Variants in GREB1L observed in about 807,000 individuals in gnomAD.
GREB1L encodes GREB1 like retinoic acid receptor coactivator.
GREB1L carries 17 observed loss-of-function variants against 200.8 expected under a neutral mutation model. That is an observed-to-expected ratio of 0.08 (90% CI 0.06 to 0.13). The LOEUF (loss-of-function observed/expected upper bound fraction) is 0.13. Ranked by LOEUF, GREB1L falls within the 10% of genes least tolerant of loss-of-function variation. The probability of loss-of-function intolerance (pLI) is 1.00; values close to 1 mark genes in which losing one functional copy is unlikely to be tolerated. For synonymous variants in GREB1L, 789 were observed against 893.0 expected (o/e 0.88, Z 2.08); for missense variants, 1,657 against 2,367.7 (o/e 0.70, Z 6.23).
At chr18:21,521,254 C>T (rs1471986239) in intron 32 of GREB1L, among the ~76,000 whole-genome samples, 1 of 151,498 alleles carries the variant, frequency 6.6e-6, no homozygotes, top group African/African-American at 2.4e-5. Context: ...TCCTGTAATC[C>T]CAGCTACTCG....
chr18:21,325,497 T>A (rs535279776), intron 1 of GREB1L, among the ~76,000 whole-genome samples: 74 of 152,126 alleles, frequency 4.9e-4, no homozygotes, highest in Non-Finnish European at 8.5e-4. Context: ...AGGTATATAT[T>A]TTTTTTATGT....
chr18:21,341,988 A>G (rs1208436541), intron 1 of GREB1L, among the ~76,000 whole-genome samples: 2 of 152,170 alleles, frequency 1.3e-5, no homozygotes, highest in Non-Finnish European at 2.9e-5. Flanking sequence ...GGGAGATATG[A>G]TGAGAAATTA....
chr18:21,417,421 C>A (rs542653310), intron 7 of GREB1L, among the ~76,000 whole-genome samples: 4 of 151,736 alleles, frequency 2.6e-5, no homozygotes, highest in Non-Finnish European at 5.9e-5. Context: ...AGCGGAGGCA[C>A]GAGAATCGCT....
chr18:21,309,882 A>G (rs2038763911), intron 1 of GREB1L, among the ~76,000 whole-genome samples: 1 of 152,056 alleles, frequency 6.6e-6, no homozygotes, highest in Non-Finnish European at 1.5e-5. Flanking sequence ...ACATCCTGCA[A>G]TGCACAAAAC....
intron 1 of GREB1L, among the ~76,000 whole-genome samples, chr18:21,348,546 A>G (rs1598682065): frequency 6.6e-6 from 1 of 152,014 alleles, no homozygotes; most frequent in East Asian, 2.0e-4. Flanking sequence ...AGGCTGAGGC[A>G]GGTGGATCAC....
At chr18:21,312,006 A>G (rs2038799861) in intron 1 of GREB1L, among the ~76,000 whole-genome samples, 1 of 151,904 alleles carries the variant, frequency 6.6e-6, no homozygotes, top group Non-Finnish European at 1.5e-5. Context: ...AGTAGGCCCC[A>G]GTGTCTGTTG....
At chr18:21,276,848 G>A (rs1263358644) in intron 1 of GREB1L, among the ~76,000 whole-genome samples, 2 of 150,120 alleles carry the variant, frequency 1.3e-5, no homozygotes, top group Admixed American at 6.7e-5. Context: ...GAAAGGAAGC[G>A]TTTTTGATAC....
intron 23 of GREB1L, among the ~76,000 whole-genome samples, chr18:21,503,684 C>G (rs2036896176): frequency 6.6e-6 from 1 of 151,854 alleles, no homozygotes; most frequent in South Asian, 2.1e-4. Context: ...TCAGGCGATT[C>G]TCCTGCCTCA....
chr18:21,347,219 A>C (rs374487985), intron 1 of GREB1L, among the ~76,000 whole-genome samples: 10 of 150,870 alleles, frequency 6.6e-5, no homozygotes, highest in Middle Eastern at 3.4e-3. Flanking sequence ...CAGTGGTTGC[A>C]GTGAGCCTGA....
chr18:21,302,809 C>G (rs1417628835), intron 1 of GREB1L, among the ~76,000 whole-genome samples: 1 of 152,062 alleles, frequency 6.6e-6, no homozygotes, highest in Non-Finnish European at 1.5e-5. Flanking sequence ...GCAACCTCCC[C>G]CTCCCAGGTT....
intron 15 of GREB1L, among the ~76,000 whole-genome samples, chr18:21,467,401 A>G (rs1482831190): frequency 2.0e-5 from 3 of 152,230 alleles, no homozygotes; most frequent in Non-Finnish European, 4.4e-5. Flanking sequence ...AATAATAAAA[A>G]GACAAATTGT....
At chr18:21,401,530 A>G (rs889506048) in intron 6 of GREB1L, among the ~76,000 whole-genome samples, 1 of 152,164 alleles carries the variant, frequency 6.6e-6, no homozygotes, top group African/African-American at 2.4e-5. Flanking sequence ...TAGGAAAGTG[A>G]ATGTCTCTGT....
At chr18:21,455,335 C>CACAG (rs1264470877) in intron 15 of GREB1L, among the ~76,000 whole-genome samples, 1 of 151,918 alleles carries the variant, frequency 6.6e-6, no homozygotes, top group Non-Finnish European at 1.5e-5. Context: ...CACACACACA[C>CACAG]ACACACACGC....
intron 1 of GREB1L, among the ~76,000 whole-genome samples, chr18:21,343,765 T>C (rs1298162945): frequency 7.1e-6 from 1 of 141,612 alleles, no homozygotes; most frequent in Non-Finnish European, 1.5e-5. Flanking sequence ...AGACAGAGTC[T>C]CGCTCTGTCA....
chr18:21,251,296 C>T (rs1489531279), intron 1 of GREB1L, among the ~76,000 whole-genome samples: 2 of 152,102 alleles, frequency 1.3e-5, no homozygotes, highest in Non-Finnish European at 2.9e-5. Flanking sequence ...ATCATGTACC[C>T]TTATATATAT....
intron 15 of GREB1L, among the ~76,000 whole-genome samples, chr18:21,462,450 T>C (rs1045649562): frequency 4.6e-5 from 7 of 152,224 alleles, no homozygotes; most frequent in African/African-American, 1.7e-4. Flanking sequence ...TTTGTTTTGT[T>C]GTTTTGTTTT....
At chr18:21,253,156 C>T (rs1174017063) in intron 1 of GREB1L, among the ~76,000 whole-genome samples, 1 of 152,018 alleles carries the variant, frequency 6.6e-6, no homozygotes, top group Admixed American at 6.6e-5. Flanking sequence ...GATCACTAAA[C>T]TAGTCCTGCA....
chr18:21,355,222 C>T (rs1367114372), intron 1 of GREB1L, among the ~76,000 whole-genome samples: 1 of 146,378 alleles, frequency 6.8e-6, no homozygotes, highest in Non-Finnish European at 1.5e-5. Context: ...GAGATGGAGG[C>T]TTGCTCTGAA....
At chr18:21,344,293 C>A (rs1174929417) in intron 1 of GREB1L, among the ~76,000 whole-genome samples, 1 of 152,038 alleles carries the variant, frequency 6.6e-6, no homozygotes, top group African/African-American at 2.4e-5. Flanking sequence ...CCCAGCTATT[C>A]GTGAGGCTGA....
Sources: gnomAD v4.1 joint callset for allele counts (sites outside exome capture counted in the v4.1 genomes callset) on GRCh38, gnomAD v4.1.1 for gene constraint, MANE v1.5 for transcripts, NCBI Gene and HGNC (gene_info 2026-07-23, HGNC 2026-07-21) for gene names.